Variants in TRERF1 observed in about 807,000 individuals in gnomAD.
The protein encoded by TRERF1 is transcriptional regulating factor 1, also known as transcriptional-regulating factor 1.
TRERF1 carries 27 observed loss-of-function variants against 122.9 expected under a neutral mutation model. The ratio of observed to expected loss-of-function variants is 0.22; its 90% CI spans 0.16 to 0.30. The LOEUF is 0.30. TRERF1 is among the 10% of genes least tolerant of loss of function. The pLI is 1.00. For synonymous variants in TRERF1, 636 were observed against 641.7 expected (o/e 0.99, Z 0.13); for missense variants, 1,248 against 1,560.3 (o/e 0.80, Z 3.37).
intron 2 of TRERF1, among the ~76,000 whole-genome samples, chr6:42,402,321 A>G (rs1779506884): frequency 6.6e-6 from 1 of 152,222 alleles, no homozygotes; most frequent in East Asian, 1.9e-4. Flanking sequence ...AAAGCTTTAC[A>G]GTAAATGGTG....
At chr6:42,324,438 T>C (rs552255487) in intron 3 of TRERF1, among the ~76,000 whole-genome samples, 1 of 152,266 alleles carries the variant, frequency 6.6e-6, no homozygotes, top group East Asian at 1.9e-4. Flanking sequence ...TAAGCCCAAA[T>C]AGCCAAAGCA....
intron 4 of TRERF1, among the ~76,000 whole-genome samples, chr6:42,279,672 G>A (rs920176634): frequency 1.3e-5 from 2 of 152,190 alleles, no homozygotes; most frequent in African/African-American, 4.8e-5. Flanking sequence ...CTCTGCAAGG[G>A]ACGACAGGGA....
intron 2 of TRERF1, among the ~76,000 whole-genome samples, chr6:42,382,026 G>C (rs1057355549): frequency 1.3e-5 from 2 of 151,804 alleles, no homozygotes; most frequent in African/African-American, 4.8e-5. Flanking sequence ...CCTCATTACA[G>C]TGCTAATAGT....
At chr6:42,347,686 A>G (rs1394646268) in intron 3 of TRERF1, among the ~76,000 whole-genome samples, 1 of 152,186 alleles carries the variant, frequency 6.6e-6, no homozygotes, top group African/African-American at 2.4e-5. Context: ...AAAACAAAAG[A>G]AAAGCGGTAA....
intron 3 of TRERF1, among the ~76,000 whole-genome samples, chr6:42,320,268 G>A (rs1446103287): frequency 2.0e-5 from 3 of 151,912 alleles, no homozygotes; most frequent in African/African-American, 4.8e-5. Context: ...TACTCCTTTA[G>A]GGTTTAGGAC....
intron 2 of TRERF1, among the ~76,000 whole-genome samples, chr6:42,443,161 T>C (rs1436934283): frequency 1.3e-5 from 2 of 152,230 alleles, no homozygotes; most frequent in South Asian, 2.1e-4. Context: ...ACGACACATA[T>C]TTATTATACA....
chr6:42,225,190 C>A (rs1055084657), downstream of TRERF1: 1 of 147,454 alleles, frequency 6.8e-6, no homozygotes, highest in Non-Finnish European at 1.5e-5. Flanking sequence ...ACCTAGAATG[C>A]CCCAGTTTCC....
chr6:42,392,087 T>C (rs1414939964), intron 2 of TRERF1, among the ~76,000 whole-genome samples: 2 of 152,156 alleles, frequency 1.3e-5, no homozygotes, highest in Non-Finnish European at 2.9e-5. Flanking sequence ...GACATTGTAG[T>C]AGATGTGTAC....
chr6:42,317,287 G>C (rs764501406), intron 3 of TRERF1, among the ~76,000 whole-genome samples: 1 of 152,172 alleles, frequency 6.6e-6, no homozygotes, highest in Non-Finnish European at 1.5e-5. Flanking sequence ...CTGTGCAGGA[G>C]GAAGGAAGAA....
chr6:42,399,373 A>G (rs1313218157), intron 2 of TRERF1, among the ~76,000 whole-genome samples: 1 of 152,116 alleles, frequency 6.6e-6, no homozygotes, highest in Non-Finnish European at 1.5e-5. Context: ...ACCCCACCAC[A>G]CTAAATTCCA....
chr6:42,254,839 C>T lies in TRERF1; in HGVS notation c.2656+12G>A. 6.2e-7 allele frequency: 1 copy of T among 1,614,050 alleles called. No individual in the cohort carries two copies. Among genetic ancestry groups the T allele is most frequent in the Non-Finnish European group, 8.5e-7 (1 of 1,179,898 alleles). On this transcript the variant is annotated intron_variant, in intron 13 of 17. Coordinates refer to ENST00000372922, the Ensembl canonical transcript of TRERF1. ...CAGGAGGCAACAGGACACAGGGCTC[C>T]TGGCAACCTACCGGCATAGTGGTAA... is the stretch of plus-strand genomic sequence containing the variant.
At chr6:42,334,019 A>ACACG (rs1765702307) in intron 3 of TRERF1, among the ~76,000 whole-genome samples, 1 of 147,806 alleles carries the variant, frequency 6.8e-6, no homozygotes, top group African/African-American at 2.6e-5. Context: ...ACACACACAC[A>ACACG]CACACACGTA....
At chr6:42,364,885 C>A (rs146080148) in intron 2 of TRERF1, among the ~76,000 whole-genome samples, 13 of 152,214 alleles carry the variant, frequency 8.5e-5, no homozygotes, top group Non-Finnish European at 1.5e-4. Flanking sequence ...AGGACTGAGG[C>A]GTGAGGTCCC....
intron 2 of TRERF1, among the ~76,000 whole-genome samples, chr6:42,447,210 T>C (rs977651760): frequency 7.9e-5 from 12 of 152,222 alleles, no homozygotes; most frequent in Non-Finnish European, 1.2e-4. Context: ...AAGAATCATC[T>C]GTTTCTTCAG....
intron 4 of TRERF1, among the ~76,000 whole-genome samples, chr6:42,293,581 C>T (rs906191799): frequency 5.9e-5 from 9 of 152,184 alleles, no homozygotes; most frequent in African/African-American, 2.2e-4. Flanking sequence ...ATGTTGTCCT[C>T]CTTTTTCTCT....
At chr6:42,397,647 T>C (rs932361993) in intron 2 of TRERF1, among the ~76,000 whole-genome samples, 2 of 152,154 alleles carry the variant, frequency 1.3e-5, no homozygotes, top group Admixed American at 6.5e-5. Flanking sequence ...GCATTTATTT[T>C]CCAATAAAAA....
intron 3 of TRERF1, among the ~76,000 whole-genome samples, chr6:42,335,630 T>C (rs1020916451): frequency 6.6e-6 from 1 of 152,170 alleles, no homozygotes; most frequent in Non-Finnish European, 1.5e-5. Flanking sequence ...ATGCCACTGA[T>C]GCACCAAGTC....
chr6:42,301,033 A>G (rs1304069497), intron 3 of TRERF1, among the ~76,000 whole-genome samples: 1 of 152,180 alleles, frequency 6.6e-6, no homozygotes, highest in Non-Finnish European at 1.5e-5. Flanking sequence ...AGACAGACAG[A>G]CAGACACAGA....
intron 2 of TRERF1, among the ~76,000 whole-genome samples, chr6:42,408,385 T>TTC (rs1780623080): frequency 7.2e-6 from 1 of 138,098 alleles, no homozygotes; most frequent in Non-Finnish European, 1.6e-5. Flanking sequence ...TTTTTTTTTT[T>TTC]TTTTTTTGAG....
Sources: allele counts gnomAD v4.1 joint callset (sites outside exome capture counted in the v4.1 genomes callset), GRCh38; gene constraint gnomAD v4.1.1; transcripts MANE v1.5; gene names NCBI Gene and HGNC (gene_info 2026-07-23, HGNC 2026-07-21).